PCDH9: variants seen among roughly 807,000 people sequenced by gnomAD.
PCDH9 encodes protocadherin 9.
A neutral mutation model predicts 70.6 loss-of-function variants in PCDH9; 24 were observed. The observed-to-expected ratio is 0.34, with a 90% CI of 0.25 to 0.48. The LOEUF (loss-of-function observed/expected upper bound fraction) is 0.48, where lower values mean the gene tolerates loss of function less well. Among genes scored for constraint, PCDH9 ranks in the 20% least tolerant of loss-of-function variants. The pLI is 0.99. For synonymous variants in PCDH9, 562 were observed against 558.5 expected (o/e 1.01, Z -0.09); for missense variants, 1,281 against 1,503.6 (o/e 0.85, Z 2.45).
intron 3 of PCDH9, among the ~76,000 whole-genome samples, chr13:66,704,628 C>T (rs1289991943): frequency 2.0e-5 from 3 of 151,922 alleles, no homozygotes; most frequent in Admixed American, 6.6e-5. Flanking sequence ...ATTATAATAT[C>T]GCAAGACAGA....
intron 2 of PCDH9, among the ~76,000 whole-genome samples, chr13:66,908,332 T>C (rs959336335): frequency 4.6e-5 from 7 of 152,210 alleles, no homozygotes; most frequent in Non-Finnish European, 1.5e-5. Flanking sequence ...CTTCTCCTGC[T>C]CTCTCTCTGG....
intron 2 of PCDH9, among the ~76,000 whole-genome samples, chr13:67,027,958 T>G (rs550314751): frequency 0.17 from 25,621 of 149,866 alleles, 2,189 homozygotes; most frequent in Middle Eastern, 0.26. Context: ...GGAACACTTT[T>G]ACACTGTTGG....
Position 66,742,184 on chromosome 13 carries a change from C to T in PCDH9, c.3139-110773G>A, listed in dbSNP as rs376775940. 6.8e-3 allele frequency among the ~76,000 whole-genome samples: 340 copies of T among 50,136 alleles called. 1 individual carries two copies. The highest frequency in any genetic ancestry group is 0.025 in the African/African-American group (324 of 13,014). The allele number at this position is 50,136 out of a possible 152,430, so 32.9% of individuals were successfully genotyped here. A position where few individuals can be genotyped will look rare whatever the true frequency, so the allele number is the denominator to read the frequency against. ...AACAGAACAGAGCCCTCAGAAATAACGCCGCATACCTACAACTATCTGATC... is the reference window on the plus strand; with the variant it reads ...AACAGAACAGAGCCCTCAGAAATAATGCCGCATACCTACAACTATCTGATC... On this transcript the variant is annotated intron_variant, in intron 3 of 4. Coordinates refer to ENST00000377865, the MANE Select transcript of PCDH9 (RefSeq NM_203487.3).
At chr13:66,875,697 T>C (rs1215905551) in intron 3 of PCDH9, among the ~76,000 whole-genome samples, 4 of 152,240 alleles carry the variant, frequency 2.6e-5, no homozygotes, top group African/African-American at 9.6e-5. Flanking sequence ...ATGTTTGTCA[T>C]CTAGATTCTA....
intron 2 of PCDH9, among the ~76,000 whole-genome samples, chr13:66,987,284 C>T (rs1458167869): frequency 1.3e-5 from 2 of 151,962 alleles, no homozygotes; most frequent in Non-Finnish European, 2.9e-5. Context: ...ATAAACACTG[C>T]TATTTTTCTT....
chr13:66,987,271 T>A (rs1055044633), intron 2 of PCDH9, among the ~76,000 whole-genome samples: 8 of 152,140 alleles, frequency 5.3e-5, no homozygotes, highest in African/African-American at 1.9e-4. Flanking sequence ...ATTTCAAGGC[T>A]AAATAAACAC....
intron 2 of PCDH9, among the ~76,000 whole-genome samples, chr13:67,129,543 T>G (rs1029447457): frequency 6.6e-6 from 1 of 152,054 alleles, no homozygotes; most frequent in Admixed American, 6.6e-5. Context: ...AGTCACTGGT[T>G]AAAATAATAT....
rs190088724 is a variant in PCDH9 at position 66,368,146 on chromosome 13, T to A, written c.3341-63118A>T. 4.2e-3 allele frequency among the ~76,000 whole-genome samples: 633 copies of A among 152,162 alleles called. 3 individuals carry two copies. The highest frequency in any genetic ancestry group is 0.014 in the African/African-American group (601 of 41,542). ...TAAAAAAGAAAGAAAAATAGTGCATTTTTAAGGATAAAAATTAAATTTAAC... is the reference window on the plus strand; with the variant it reads ...TAAAAAAGAAAGAAAAATAGTGCATATTTAAGGATAAAAATTAAATTTAAC... On this transcript the variant is annotated intron_variant, in intron 4 of 4. Transcript: ENST00000377865.
chr13:66,660,748 G>A (rs2077997037), intron 3 of PCDH9, among the ~76,000 whole-genome samples: 1 of 151,978 alleles, frequency 6.6e-6, no homozygotes, highest in Admixed American at 6.6e-5. Flanking sequence ...AAATAGAAGG[G>A]AGGATATCAG....
At chr13:66,726,581 T>C (rs898210951) in intron 3 of PCDH9, among the ~76,000 whole-genome samples, 1 of 152,118 alleles carries the variant, frequency 6.6e-6, no homozygotes, top group Non-Finnish European at 1.5e-5. Flanking sequence ...GGCCCAGATG[T>C]TTTAGGGCTT....
At chr13:67,004,028 G>A (rs1175798912) in intron 2 of PCDH9, among the ~76,000 whole-genome samples, 2 of 152,058 alleles carry the variant, frequency 1.3e-5, no homozygotes, top group African/African-American at 4.8e-5. Context: ...AGTTCTTTGA[G>A]AAACTGAGAA....
intron 4 of PCDH9, among the ~76,000 whole-genome samples, chr13:66,480,670 GAGA>G (rs1811920474): frequency 6.6e-6 from 1 of 152,178 alleles, no homozygotes; most frequent in South Asian, 2.1e-4. Context: ...ACAGATGCTG[GAGA>G]AGATGTGGAC....
At chr13:66,869,327 T>C (rs1424450647) in intron 3 of PCDH9, among the ~76,000 whole-genome samples, 1 of 152,150 alleles carries the variant, frequency 6.6e-6, no homozygotes, top group Non-Finnish European at 1.5e-5. Flanking sequence ...CTGGCATTTC[T>C]TGAAGGCCTA....
intron 3 of PCDH9, among the ~76,000 whole-genome samples, chr13:66,654,304 T>C (rs1194661569): frequency 2.0e-5 from 3 of 152,060 alleles, no homozygotes; most frequent in Non-Finnish European, 4.4e-5. Flanking sequence ...GAAGAATGGT[T>C]ACCAGGGGCT....
intron 2 of PCDH9, among the ~76,000 whole-genome samples, chr13:67,183,142 T>C (rs1172085130): frequency 6.6e-6 from 1 of 152,170 alleles, no homozygotes; most frequent in Non-Finnish European, 1.5e-5. Flanking sequence ...TAAGTACTTC[T>C]GAACTTCACT....
intron 3 of PCDH9, among the ~76,000 whole-genome samples, chr13:66,900,318 G>T (rs1435712702): frequency 6.6e-6 from 1 of 151,782 alleles, no homozygotes; most frequent in Non-Finnish European, 1.5e-5. Flanking sequence ...TAATGGGATT[G>T]CTGTCAGAAT....
intron 4 of PCDH9, among the ~76,000 whole-genome samples, chr13:66,519,998 C>T (rs1398013920): frequency 2.0e-5 from 3 of 152,092 alleles, no homozygotes; most frequent in Admixed American, 1.3e-4. Context: ...TCTGCCAAAG[C>T]AGCAATCCAA....
chr13:67,099,865 G>T (rs1339226412), intron 2 of PCDH9, among the ~76,000 whole-genome samples: 2 of 152,158 alleles, frequency 1.3e-5, no homozygotes, highest in Non-Finnish European at 2.9e-5. Flanking sequence ...TTGACACATT[G>T]TTCTATTGCC....
chr13:66,452,961 T>A (rs1297234552), intron 4 of PCDH9, among the ~76,000 whole-genome samples: 2 of 151,968 alleles, frequency 1.3e-5, no homozygotes, highest in Non-Finnish European at 2.9e-5. Flanking sequence ...CATCCACTCA[T>A]CCATCCATTC....
Sources: allele counts gnomAD v4.1 joint callset (sites outside exome capture counted in the v4.1 genomes callset), GRCh38; gene constraint gnomAD v4.1.1; transcripts MANE v1.5; gene names NCBI Gene and HGNC (gene_info 2026-07-23, HGNC 2026-07-21).